Variants in MICU2 observed in about 807,000 individuals in gnomAD.
MICU2 encodes calcium uptake protein 2, mitochondrial.
MICU2 carries 64 observed loss-of-function variants against 60.4 expected under a neutral mutation model. The ratio of observed to expected loss-of-function variants is 1.06; its 90% CI spans 0.87 to 1.31. The LOEUF is 1.31. Among genes scored for constraint, MICU2 ranks in the 50% most tolerant of loss-of-function variants. The pLI is 0.00. For missense variants in MICU2, 569 were observed against 531.0 expected (o/e 1.07, Z -0.70); for synonymous variants, 201 against 175.0 (o/e 1.15, Z -1.17).
chr13:21,567,288 A>AAGAGGTAAC (rs1188497772), intron 1 of MICU2, among the ~76,000 whole-genome samples: 1 of 152,182 alleles, frequency 6.6e-6, no homozygotes, highest in African/African-American at 2.4e-5. Context: ...GGTCTTTCTG[A>AAGAGGTAAC]AGAGGTAACA....
chr13:21,569,614 A>C (rs546363603), intron 1 of MICU2, among the ~76,000 whole-genome samples: 1 of 152,052 alleles, frequency 6.6e-6, no homozygotes, highest in Non-Finnish European at 1.5e-5. Context: ...GACAGAACAC[A>C]TAAGAATCAA....
At chr13:21,542,145 T>C (rs1477898329) in intron 2 of MICU2, among the ~76,000 whole-genome samples, 4 of 152,130 alleles carry the variant, frequency 2.6e-5, no homozygotes, top group African/African-American at 9.7e-5. Context: ...GAGGTTGTGG[T>C]GTTTCTAATC....
chr13:21,585,830 T>A (rs1418130473), intron 1 of MICU2, among the ~76,000 whole-genome samples: 3 of 152,162 alleles, frequency 2.0e-5, no homozygotes, highest in African/African-American at 7.2e-5. Flanking sequence ...TCTCTTTTAG[T>A]CAGATTGTAC....
intron 1 of MICU2, among the ~76,000 whole-genome samples, chr13:21,589,727 T>C (rs770012673): frequency 8.5e-5 from 13 of 152,170 alleles, no homozygotes; most frequent in Non-Finnish European, 1.9e-4. Context: ...CACCCTGACT[T>C]CATGATTCTG....
At position 21,495,320 on chromosome 13, in the gene MICU2, TA is replaced by T; in HGVS notation, c.1043-3del. 6.3e-7 allele frequency: 1 copy of T among 1,579,044 alleles called. No homozygotes were observed. Among genetic ancestry groups the T allele is most frequent in the Non-Finnish European group, 8.6e-7 (1 of 1,164,012 alleles). On this transcript the variant is annotated splice_polypyrimidine_tract_variant and splice_region_variant and intron_variant, in intron 10 of 11. Coordinates refer to ENST00000382374, the MANE Select transcript of MICU2 (RefSeq NM_152726.3). Reference sequence around the variant, plus strand: ...CTTTCACAGCTCTCTTAAACTCCGCTAAAAAACAAACATAAAACAACTTATC... The same window carrying T: ...CTTTCACAGCTCTCTTAAACTCCGCTAAAAACAAACATAAAACAACTTATC...
At chr13:21,580,743 A>G (rs1473640583) in intron 1 of MICU2, among the ~76,000 whole-genome samples, 2 of 152,184 alleles carry the variant, frequency 1.3e-5, no homozygotes, top group African/African-American at 4.8e-5. Context: ...AAATATTATT[A>G]CCAGTATTAA....
At chr13:21,552,611 G>C (rs573607315) in intron 2 of MICU2, among the ~76,000 whole-genome samples, 1 of 152,304 alleles carries the variant, frequency 6.6e-6, no homozygotes, top group East Asian at 1.9e-4. Flanking sequence ...TTTGTATGAG[G>C]TGTAAGGAAG....
intron 2 of MICU2, among the ~76,000 whole-genome samples, chr13:21,563,925 C>CAAG (rs1887913216): frequency 1.3e-5 from 2 of 151,924 alleles, no homozygotes; most frequent in Admixed American, 1.3e-4. Context: ...TCCTCAGCCT[C>CAAG]TGAAGTAGCT....
At chr13:21,544,530 A>AC (rs1555273314) in intron 2 of MICU2, among the ~76,000 whole-genome samples, 3 of 149,106 alleles carry the variant, frequency 2.0e-5, no homozygotes, top group African/African-American at 4.9e-5. Flanking sequence ...AAAAAAAAAA[A>AC]AAAACTCAAT....
At chr13:21,594,065 A>G (rs1196272105) in intron 1 of MICU2, among the ~76,000 whole-genome samples, 2 of 152,234 alleles carry the variant, frequency 1.3e-5, no homozygotes, top group African/African-American at 4.8e-5. Context: ...TCTGCACAGC[A>G]AAGGAAACTA....
At chr13:21,525,862 C>T (rs1404277279) in intron 4 of MICU2, among the ~76,000 whole-genome samples, 1 of 151,524 alleles carries the variant, frequency 6.6e-6, no homozygotes, top group Admixed American at 6.6e-5. Flanking sequence ...CTTTTCTTCA[C>T]TCTCTTGACA....
chr13:21,592,466 C>T (rs1245270148), intron 1 of MICU2, among the ~76,000 whole-genome samples: 3 of 152,062 alleles, frequency 2.0e-5, no homozygotes, highest in Non-Finnish European at 4.4e-5. Flanking sequence ...CCTTCTGAAA[C>T]TATTCCAAGT....
chr13:21,600,909 G>A (rs1332923373), intron 1 of MICU2, among the ~76,000 whole-genome samples: 1 of 152,112 alleles, frequency 6.6e-6, no homozygotes, highest in Non-Finnish European at 1.5e-5. Flanking sequence ...CCATTCTCCT[G>A]CCTCAGGCCC....
At chr13:21,526,943 G>C (rs1384429580) in intron 4 of MICU2, among the ~76,000 whole-genome samples, 1 of 152,200 alleles carries the variant, frequency 6.6e-6, no homozygotes, top group African/African-American at 2.4e-5. Flanking sequence ...AAAGGAGGGA[G>C]TCAGGGCCAA....
intron 2 of MICU2, 109 bp downstream of exon 2, chr13:21,566,688 A>G: frequency 1.1e-6 from 1 of 923,778 alleles, no homozygotes; most frequent in Middle Eastern, 2.9e-4. Flanking sequence ...AATGCATGGT[A>G]CAAAGATGAT....
At chr13:21,600,033 G>A (rs957920144) in intron 1 of MICU2, among the ~76,000 whole-genome samples, 2 of 152,130 alleles carry the variant, frequency 1.3e-5, no homozygotes, top group Admixed American at 6.5e-5. Flanking sequence ...AATTTTTGTC[G>A]ATGAAATTTT....
intron 2 of MICU2, among the ~76,000 whole-genome samples, chr13:21,566,232 G>A (rs549864358): frequency 1.1e-4 from 16 of 152,252 alleles, no homozygotes; most frequent in East Asian, 1.9e-4. Flanking sequence ...TTAGGAAGGC[G>A]TCAGAAAGCC....
intron 1 of MICU2, among the ~76,000 whole-genome samples, chr13:21,593,052 G>A (rs937755693): frequency 2.6e-5 from 4 of 152,094 alleles, no homozygotes; most frequent in Admixed American, 6.6e-5. Flanking sequence ...AAGGGTATTC[G>A]AATAGGAAGA....
rs758514044 is a variant in MICU2 at position 21,517,799 on chromosome 13, A to ACGCGCG, written c.598-3387_598-3382dup. 2.8e-3 allele frequency among the ~76,000 whole-genome samples: 388 copies of ACGCGCG among 136,378 alleles called. 3 individuals carry two copies. Among genetic ancestry groups the ACGCGCG allele is most frequent in the African/African-American group, 8.8e-3 (287 of 32,444 alleles). 89.5% of individuals were successfully genotyped at this position (136,378 alleles called of 152,430 possible). ...CACACACACACACACACACACACAC[A>ACGCGCG]CGCGCGCGCGCGCGCACACGCGCTA... On this transcript the variant is annotated intron_variant, in intron 6 of 11. Coordinates refer to ENST00000382374, the MANE Select transcript of MICU2 (RefSeq NM_152726.3).
Sources: allele counts gnomAD v4.1 joint callset (sites outside exome capture counted in the v4.1 genomes callset), GRCh38; gene constraint gnomAD v4.1.1; transcripts MANE v1.5; gene names NCBI Gene and HGNC (gene_info 2026-07-23, HGNC 2026-07-21).